The following XKR9 variants were observed in gnomAD, a reference collection of about 807,000 sequenced individuals.
The protein encoded by XKR9 is XK related 9.
A neutral mutation model predicts 32.0 loss-of-function variants in XKR9; 32 were observed. The ratio of observed to expected loss-of-function variants is 1.00; its 90% CI spans 0.76 to 1.34. The LOEUF (loss-of-function observed/expected upper bound fraction) is 1.34, where lower values mean the gene tolerates loss of function less well. XKR9 is among the 40% of genes most tolerant of loss of function. The probability of loss-of-function intolerance (pLI) is 0.00; values close to 1 mark genes in which losing one functional copy is unlikely to be tolerated. For synonymous variants in XKR9, 168 were observed against 143.4 expected (o/e 1.17, Z -1.22); for missense variants, 546 against 429.7 (o/e 1.27, Z -2.39).
chr8:70,899,420 C>T, the XKR9 span, among the ~76,000 whole-genome samples: 3 of 148,390 alleles, frequency 2.0e-5, no homozygotes, highest in Non-Finnish European at 4.4e-5. Context: ...ATCCCTTTGC[C>T]AGGAAGACAG....
At chr8:70,805,761 C>T in the XKR9 span, among the ~76,000 whole-genome samples, 1 of 152,198 alleles carries the variant, frequency 6.6e-6, no homozygotes, top group South Asian at 2.1e-4. Context: ...CTCCCTGGGC[C>T]TGAGCCCCTA....
chr8:71,050,274 GATATA>G, the XKR9 span, among the ~76,000 whole-genome samples: 1 of 54,378 alleles, frequency 1.8e-5, no homozygotes, highest in African/African-American at 7.2e-5. Context: ...TAGATAGATA[GATATA>G]GATATAGATA....
the XKR9 span, among the ~76,000 whole-genome samples, chr8:70,860,787 G>A: frequency 6.6e-6 from 1 of 151,870 alleles, no homozygotes; most frequent in Admixed American, 6.6e-5. Context: ...GCAGACTAGG[G>A]CAATGAGCTT....
the XKR9 span, among the ~76,000 whole-genome samples, chr8:71,007,526 A>T: frequency 3.3e-5 from 5 of 152,206 alleles, no homozygotes; most frequent in African/African-American, 1.2e-4. Flanking sequence ...AAGAAACAAA[A>T]ACAGTGTGAG....
the XKR9 span, among the ~76,000 whole-genome samples, chr8:70,983,640 G>A: frequency 6.6e-6 from 1 of 152,052 alleles, no homozygotes; most frequent in Non-Finnish European, 1.5e-5. Context: ...AATTAGCTGG[G>A]CATGGTGGCA....
chr8:70,809,643 G>A, the XKR9 span, among the ~76,000 whole-genome samples: 4 of 152,326 alleles, frequency 2.6e-5, no homozygotes, highest in Admixed American at 2.0e-4. Flanking sequence ...ACTACATGAT[G>A]AATGCACAAG....
At chr8:70,990,652 G>A in the XKR9 span, among the ~76,000 whole-genome samples, 2 of 151,790 alleles carry the variant, frequency 1.3e-5, no homozygotes, top group East Asian at 1.9e-4. Context: ...GCAAGTTTCC[G>A]TTCCAATCCT....
At chr8:70,948,184 A>T in the XKR9 span, among the ~76,000 whole-genome samples, 3 of 152,248 alleles carry the variant, frequency 2.0e-5, no homozygotes, top group South Asian at 6.2e-4. Context: ...AAGCAGCAAA[A>T]ACCGTAACAT....
At chr8:70,883,929 A>G in the XKR9 span, among the ~76,000 whole-genome samples, 1 of 152,184 alleles carries the variant, frequency 6.6e-6, no homozygotes, top group Non-Finnish European at 1.5e-5. Context: ...ATTATGTAAT[A>G]AAAGTATACT....
At chr8:71,026,184 C>A in the XKR9 span, among the ~76,000 whole-genome samples, 4 of 152,188 alleles carry the variant, frequency 2.6e-5, no homozygotes, top group African/African-American at 9.7e-5. Flanking sequence ...AGTAACATTT[C>A]AAACTCAATT....
chr8:70,696,832 G>A (rs1299949436), intron 3 of XKR9, among the ~76,000 whole-genome samples: 8,501 of 143,684 alleles, frequency 0.059, 307 homozygotes, highest in Non-Finnish European at 0.074. Context: ...ATGTTCTTCC[G>A]TTTGTTTGTA....
At chr8:70,960,174 G>T in the XKR9 span, among the ~76,000 whole-genome samples, 1 of 152,112 alleles carries the variant, frequency 6.6e-6, no homozygotes, top group South Asian at 2.1e-4. Flanking sequence ...GAACCTGGGA[G>T]GCGGAGGTTG....
chr8:70,781,201 T>G (rs1247085590), intron 2 of XKR9, among the ~76,000 whole-genome samples: 1 of 152,158 alleles, frequency 6.6e-6, no homozygotes, highest in African/African-American at 2.4e-5. Flanking sequence ...CATGTGCTTA[T>G]TTGCCACTTG....
At chr8:70,675,618 T>C (rs1468064148) in intron 2 of XKR9, among the ~76,000 whole-genome samples, 3 of 152,182 alleles carry the variant, frequency 2.0e-5, no homozygotes, top group Non-Finnish European at 2.9e-5. Context: ...TACTTAGAAA[T>C]TTCTTCTGCC....
the XKR9 span, among the ~76,000 whole-genome samples, chr8:70,865,927 CT>C: frequency 6.6e-6 from 1 of 152,104 alleles, no homozygotes; most frequent in African/African-American, 2.4e-5. Context: ...AATTCGAGCA[CT>C]TTTTTACATG....
the XKR9 span, among the ~76,000 whole-genome samples, chr8:70,932,680 T>C: frequency 1.3e-5 from 2 of 152,198 alleles, no homozygotes; most frequent in African/African-American, 4.8e-5. Context: ...CCCTGGCTTG[T>C]GGAGTGCCAC....
the XKR9 span, among the ~76,000 whole-genome samples, chr8:70,814,182 C>G: frequency 6.6e-6 from 1 of 152,048 alleles, no homozygotes; most frequent in Non-Finnish European, 1.5e-5. Context: ...TCTCAGCAAA[C>G]TATCGCAAGG....
At chr8:70,695,626 T>C (rs200597333) in intron 3 of XKR9, among the ~76,000 whole-genome samples, 3 of 151,940 alleles carry the variant, frequency 2.0e-5, no homozygotes, top group African/African-American at 4.8e-5. Flanking sequence ...TGAATAGTGC[T>C]GCAATAAACA....
chr8:70,859,804 A>G, the XKR9 span, among the ~76,000 whole-genome samples: 2 of 152,146 alleles, frequency 1.3e-5, no homozygotes, highest in African/African-American at 2.4e-5. Context: ...GGAGGTAGAT[A>G]GTAGAATGAT....
Sources: allele counts gnomAD v4.1 joint callset (sites outside exome capture counted in the v4.1 genomes callset), GRCh38; gene constraint gnomAD v4.1.1; transcripts MANE v1.5; gene names NCBI Gene and HGNC (gene_info 2026-07-23, HGNC 2026-07-21).